TTC31: variants seen among roughly 807,000 people sequenced by gnomAD.
TTC31 encodes tetratricopeptide repeat domain 31.
In TTC31, 59 loss-of-function variants were observed where a neutral mutation model predicts 60.4. The ratio of observed to expected loss-of-function variants is 0.98; its 90% CI spans 0.79 to 1.21. The LOEUF is 1.21. TTC31 is among the 50% of genes most tolerant of loss of function. The pLI, the probability that TTC31 is intolerant of heterozygous loss-of-function variation, is 0.00. For missense variants in TTC31, 672 were observed against 646.9 expected, an observed-to-expected ratio of 1.04 and a Z score of -0.42; for synonymous variants, 225 against 249.6, an observed-to-expected ratio of 0.90 and a Z score of 0.93.
chr2:74,483,207 T>C, intron 1 of TTC31, 72 bp downstream of exon 1: 4 of 1,613,744 alleles, frequency 2.5e-6, no homozygotes, highest in Admixed American at 3.3e-5. Context: ...ACCTGTGGTC[T>C]GAACGTTTCG....
At chr2:74,483,712 T>C (rs1466585613) in intron 2 of TTC31, 4 of 909,572 alleles carry the variant, frequency 4.4e-6, no homozygotes, top group Non-Finnish European at 2.9e-6. Context: ...CGCGGTGGCT[T>C]GTGCCTGTAA....
In TTC31 at chr2:74,493,095, C is replaced by G; in HGVS notation, c.1437C>G (p.Ser479Arg). ...PLLHYPSCHR[S>R]HPNQPLSQTQ... Reference sequence around the variant, plus strand: ...TGCATTATCCTTCATGTCACCGAAGCCACCCCAACCAGCCCCTCTCCCAGA... The same window carrying G: ...TGCATTATCCTTCATGTCACCGAAGGCACCCCAACCAGCCCCTCTCCCAGA... The change falls in exon 13 of 13, where the codon AGC (serine) becomes AGG (arginine). Residue 479 changes from serine to arginine, a missense_variant. By Grantham distance (110) the Ser-to-Arg change is moderately radical (BLOSUM62 -1). Coordinates refer to ENST00000233623, the MANE Select transcript of TTC31 (RefSeq NM_022492.6). 1 of 1,614,154 alleles carries G rather than the reference C, an allele frequency of 6.2e-7. No homozygotes were observed. Among genetic ancestry groups the G allele is most frequent in the Non-Finnish European group, 8.5e-7 (1 of 1,180,008 alleles).
In TTC31 at chr2:74,492,262, T is replaced by C. The variant is rs763699616; in HGVS notation, c.1019+33T>C. 1.1e-5 allele frequency: 17 copies of C among 1,612,910 alleles called. No individual in the cohort carries two copies. In the East Asian group the frequency reaches 3.8e-4, roughly 36 times the overall value. ...GGGGCTTGGCCAGGGCAGGGCAGAG[T>C]GTTGAGGACTCAGACCTTTGGCCAC... On this transcript the variant is annotated intron_variant, in intron 10 of 12. Transcript: ENST00000233623.
At position 74,491,359 on chromosome 2, in the gene TTC31, AGT is replaced by A. The variant is rs1160405292; in HGVS notation, c.672_673del (p.Cys224TrpfsTer2). On this transcript the variant is annotated frameshift_variant, in exon 7 of 13. Transcript: ENST00000233623. LOFTEE classifies it high-confidence loss of function. ...AGCCCTGGAAACCCAGTTCAGGGAC[AGT>A]GTGGTGAAGAAGAGGTGAGAGCCCC... The A allele has an allele frequency of 6.2e-7, 1 of 1,614,178 alleles. No individual in the cohort carries two copies. Among genetic ancestry groups the A allele is most frequent in the East Asian group, 2.2e-5 (1 of 44,880 alleles).
In TTC31 at chr2:74,491,284, C is replaced by T; in HGVS notation, c.604-11C>T. 3.1e-6 allele frequency: 5 copies of T among 1,614,188 alleles called. No homozygotes were observed. The highest frequency in any genetic ancestry group is 4.2e-6 in the Non-Finnish European group (5 of 1,180,036). On this transcript the variant is annotated splice_polypyrimidine_tract_variant and intron_variant, in intron 6 of 12. Transcript: ENST00000233623. ...TGATCCCAACTCTGTACCTGTCTATCTTTCTTCCAGGCCAGCACTACCTCA... is the reference window on the plus strand; with the variant it reads ...TGATCCCAACTCTGTACCTGTCTATTTTTCTTCCAGGCCAGCACTACCTCA...
chr2:74,487,621 C>T (rs957291034), intron 2 of TTC31, among the ~76,000 whole-genome samples: 3 of 151,900 alleles, frequency 2.0e-5, no homozygotes, highest in Admixed American at 1.3e-4. Flanking sequence ...GTGGCACATC[C>T]TGAGGAGGCT....
rs1295866361 is a variant in TTC31, at chr2:74,492,380, C to T, written c.1096C>T (p.Leu366Phe). Residue 366 changes from leucine (L) to phenylalanine (F), a missense_variant, in exon 11 of 13, where the codon CTT (leucine) becomes TTT (phenylalanine). Transcript: ENST00000233623. Reference sequence around the variant, plus strand: ...GGCCCTGGCTGATGCCCAGGTGGCCCTTACCCTACGGCCTGGCTGGCCCCG... The same window carrying T: ...GGCCCTGGCTGATGCCCAGGTGGCCTTTACCCTACGGCCTGGCTGGCCCCG... The part of the protein sequence containing the change: ...AWALADAQVA[L>F]TLRPGWPRGL... 1.3e-6 allele frequency: 2 copies of T among 1,540,030 alleles called. No individual in the cohort carries two copies. The highest frequency in any genetic ancestry group is 1.4e-5 in the African/African-American group (1 of 72,550).
At chr2:74,492,561 C>T in intron 11 of TTC31, 85 bp from the exon 12 acceptor site, 9 of 1,567,858 alleles carry the variant, frequency 5.7e-6, no homozygotes, top group Non-Finnish European at 7.8e-6. Context: ...GGTTGTGGTA[C>T]TAGGAGCAGG....
rs1673890686 is a variant in TTC31 at position 74,491,551 on chromosome 2, C to T, written c.755C>T (p.Ala252Val). Residue 252 changes from alanine (A) to valine (V), a missense_variant, in exon 8 of 13, where the codon GCC becomes GTC. By Grantham distance (64) the Ala-to-Val change is moderately conservative. Transcript: ENST00000233623. ...LRKVGDWPLS[A>V]RREKGLNQEP... Reference sequence around the variant, plus strand: ...AAGGTTGGGGATTGGCCCCTCAGTGCCCGCAGAGAGAAGGGACTGAACCAG... The same window carrying T: ...AAGGTTGGGGATTGGCCCCTCAGTGTCCGCAGAGAGAAGGGACTGAACCAG... 6.2e-7 allele frequency: 1 copy of T among 1,614,006 alleles called. No individual in the cohort carries two copies. Among genetic ancestry groups the T allele is most frequent in the South Asian group, 1.1e-5 (1 of 91,084 alleles).
intron 6 of TTC31, 46 bp from the exon 7 acceptor site, chr2:74,491,249 C>A: frequency 1.2e-6 from 2 of 1,614,024 alleles, no homozygotes; most frequent in Non-Finnish European, 1.7e-6. Flanking sequence ...AGAAAGCAGG[C>A]AGCTCAAGGT....
Position 74,483,369 on chromosome 2 carries a change from A to G in TTC31, c.88A>G (p.Lys30Glu), listed in dbSNP as rs948379043. 6.2e-7 allele frequency: 1 copy of G among 1,614,092 alleles called. No homozygotes were observed. The highest frequency in any genetic ancestry group is 1.3e-5 in the African/African-American group (1 of 74,928). The change falls in exon 2 of 13, where the codon AAA becomes GAA. Residue 30 changes from lysine to glutamate, a missense_variant. Transcript: ENST00000233623. The stretch of plus-strand genomic sequence containing the variant: ...CCCACTGGAGGTCGCTGCTGCACCC[A>G]AACTTTGCAAGGAATTCGGTCCAGA... ...SCPLEVAAAP[K>E]LCKEFGPEDY...
rs1272414209 is a variant in TTC31 at position 74,494,074 on chromosome 2, C to G, written c.*856C>G. 2.0e-5 allele frequency: 3 copies of G among 152,182 alleles called. No individual in the cohort carries two copies. The highest frequency in any genetic ancestry group is 4.4e-5 in the Non-Finnish European group (3 of 68,036). The allele number at this position is 152,182 out of a possible 1,614,324, so 9.4% of individuals were successfully genotyped here. On this transcript the variant is annotated 3_prime_UTR_variant, in exon 13 of 13. Coordinates refer to ENST00000233623, the MANE Select transcript of TTC31 (RefSeq NM_022492.6). ...AAGAAGCATGATCTCCTTTTAATTT[C>G]ACGTCTAAGATCCTGGCAGCTTCCC...
At chr2:74,483,940 T>C in intron 2 of TTC31, among the ~76,000 whole-genome samples, 1 of 132,146 alleles carries the variant, frequency 7.6e-6, no homozygotes, top group East Asian at 2.1e-4. Context: ...AGACTCTGTC[T>C]AAAAAAAAAA....
At chr2:74,490,891 C>A in intron 5 of TTC31, 152 bp downstream of exon 5, 1 of 922,494 alleles carries the variant, frequency 1.1e-6, no homozygotes, top group South Asian at 1.7e-5. Flanking sequence ...TGGGGGGTCT[C>A]TCACAGGCCA....
Position 74,493,597 on chromosome 2 carries a change from G to A in TTC31, c.*379G>A, listed in dbSNP as rs995481893. The stretch of plus-strand genomic sequence containing the variant: ...CAACTAGAGCTTGGTGTACAGGAAC[G>A]GGGTCACAGTGCTGAGGGGGCTTGA... On this transcript the variant is annotated 3_prime_UTR_variant, in exon 13 of 13. Coordinates refer to ENST00000233623, the MANE Select transcript of TTC31 (RefSeq NM_022492.6). 8 of 182,490 alleles carry A rather than the reference G, an allele frequency of 4.4e-5. No individual in the cohort carries two copies. Among genetic ancestry groups the A allele is most frequent in the African/African-American group, 7.1e-5 (3 of 42,204 alleles). 11.3% of individuals were successfully genotyped at this position (182,490 alleles called of 1,614,324 possible). A position where few individuals can be genotyped will look rare whatever the true frequency, so the allele number is the denominator to read the frequency against.
chr2:74,490,412 C>G lies in TTC31; in HGVS notation c.401C>G (p.Pro134Arg), dbSNP rs1441156237. The part of the protein sequence containing the change: ...PQSPSASATF[P>R]SVSDSLLQVA... Reference sequence around the variant, plus strand: ...AGCCCCTCTGCCTCTGCCACCTTCCCCAGTGTCTCAGACAGCCTGCTTCAG... The same window carrying G: ...AGCCCCTCTGCCTCTGCCACCTTCCGCAGTGTCTCAGACAGCCTGCTTCAG... Residue 134 changes from proline to arginine, a missense_variant, in exon 4 of 13, where the codon CCC becomes CGC. Transcript: ENST00000233623. The G allele has an allele frequency of 6.2e-7, 1 of 1,613,934 alleles. No individual in the cohort carries two copies. Among genetic ancestry groups the G allele is most frequent in the East Asian group, 2.2e-5 (1 of 44,846 alleles).
intron 2 of TTC31, among the ~76,000 whole-genome samples, chr2:74,488,490 C>T (rs371200582): frequency 1.3e-4 from 20 of 152,286 alleles, no homozygotes; most frequent in African/African-American, 4.8e-4. Context: ...GAAGCTTATA[C>T]TCCCTGAGGA....
intron 2 of TTC31, among the ~76,000 whole-genome samples, chr2:74,485,049 CAG>C (rs1672932805): frequency 1.6e-5 from 2 of 122,182 alleles, no homozygotes; most frequent in Admixed American, 1.8e-4. Context: ...TTTTTTGAGA[CAG>C]AGTCTCACAC....
Position 74,492,139 on chromosome 2 carries a change from A to G in TTC31, c.929A>G (p.Lys310Arg). 1 of 1,614,006 alleles carries G rather than the reference A, an allele frequency of 6.2e-7. No homozygotes were observed. The highest frequency in any genetic ancestry group is 1.3e-5 in the African/African-American group (1 of 74,950). Residue 310 changes from lysine to arginine, a missense_variant and splice_region_variant, in exon 10 of 13, where the codon AAG becomes AGG. By Grantham distance (26) the Lys-to-Arg change is conservative. Transcript: ENST00000233623. ...CCTTCTCACCCTCTTTCCTTTCCAG[A>G]GTTGGGTACCAGCTTTGCTCAAAAT... ...AALQQSQELA[K>R]LGTSFAQNGF...
Sources: allele counts gnomAD v4.1 joint callset (sites outside exome capture counted in the v4.1 genomes callset), GRCh38; gene constraint gnomAD v4.1.1; transcripts MANE v1.5; gene names NCBI Gene and HGNC (gene_info 2026-07-23, HGNC 2026-07-21).